The following SLX4IP variants were observed in gnomAD, a reference collection of about 807,000 sequenced individuals.
The protein encoded by SLX4IP is SLX4 interacting protein.
Under a neutral mutation model 32.9 loss-of-function variants are expected in SLX4IP, and 34 were observed. That is an observed-to-expected ratio of 1.03 (90% CI 0.79 to 1.38). The LOEUF is 1.38. Ranked by LOEUF, SLX4IP falls within the 40% of genes most tolerant of loss-of-function variation. SLX4IP has a pLI of 0.00. For synonymous variants in SLX4IP, 172 were observed against 171.7 expected (o/e 1.00, Z -0.01); for missense variants, 444 against 479.0 (o/e 0.93, Z 0.68).
At position 10,484,212 on chromosome 20, in the gene SLX4IP, A is replaced by G. The variant is rs550987618; in HGVS notation, c.27+25981A>G. ...TGAACCTAAGATAAGTAAGGGAAAG[A>G]TATTTTTCCTCCCCTACAATGAGAT... On this transcript the variant is annotated intron_variant, in intron 2 of 7. Transcript: ENST00000334534. Among the ~76,000 whole-genome samples, 3 of 152,150 alleles carry G rather than the reference A, an allele frequency of 2.0e-5. No individual in the cohort carries two copies. The South Asian group carries it at 6.2e-4, about 32-fold the overall frequency.
At chr20:10,580,753 A>G (rs1234265133) in intron 4 of SLX4IP, among the ~76,000 whole-genome samples, 4 of 152,060 alleles carry the variant, frequency 2.6e-5, no homozygotes, top group African/African-American at 4.8e-5. Context: ...TTTTGACAGA[A>G]TGAAAAAAGC....
At chr20:10,559,134 A>AC (rs1684408636) in intron 3 of SLX4IP, among the ~76,000 whole-genome samples, 1 of 152,140 alleles carries the variant, frequency 6.6e-6, no homozygotes, top group South Asian at 2.1e-4. Context: ...TTTTAAAAAA[A>AC]AAAAAACCTA....
chr20:10,618,097 G>A (rs2067059619), intron 6 of SLX4IP, among the ~76,000 whole-genome samples: 1 of 152,146 alleles, frequency 6.6e-6, no homozygotes, highest in Non-Finnish European at 1.5e-5. Context: ...ACAGGAATAG[G>A]GTAATATCAC....
At chr20:10,497,694 A>G (rs2122407800) in intron 2 of SLX4IP, among the ~76,000 whole-genome samples, 1 of 152,270 alleles carries the variant, frequency 6.6e-6, no homozygotes, top group Non-Finnish European at 1.5e-5. Context: ...CTTGTTTAGA[A>G]TTCAAATAGA....
At chr20:10,528,521 G>T (rs1390591709) in intron 2 of SLX4IP, among the ~76,000 whole-genome samples, 3 of 152,120 alleles carry the variant, frequency 2.0e-5, no homozygotes, top group Non-Finnish European at 4.4e-5. Context: ...GAGTAAAAAG[G>T]CTTGTGGAAG....
chr20:10,571,207 G>A (rs1601016577), intron 4 of SLX4IP, among the ~76,000 whole-genome samples: 1 of 152,136 alleles, frequency 6.6e-6, no homozygotes, highest in Admixed American at 6.5e-5. Context: ...TGAGTCCCAG[G>A]TTCGGGCACC....
intron 2 of SLX4IP, among the ~76,000 whole-genome samples, chr20:10,482,740 G>A (rs939600769): frequency 1.3e-5 from 2 of 152,154 alleles, no homozygotes; most frequent in African/African-American, 4.8e-5. Context: ...GCAGAAGTGG[G>A]CAAATGGGCT....
intron 2 of SLX4IP, among the ~76,000 whole-genome samples, chr20:10,462,636 G>A (rs1348527419): frequency 1.3e-5 from 2 of 152,152 alleles, no homozygotes; most frequent in African/African-American, 4.8e-5. Context: ...CCCTTCTGAT[G>A]CACACTGTTT....
chr20:10,534,179 G>C (rs1162150833), intron 2 of SLX4IP, among the ~76,000 whole-genome samples: 1 of 152,072 alleles, frequency 6.6e-6, no homozygotes, highest in Non-Finnish European at 1.5e-5. Context: ...GTTATGAGAG[G>C]ATTTGTAAGG....
At chr20:10,518,467 CCTT>C (rs2065873595) in intron 2 of SLX4IP, among the ~76,000 whole-genome samples, 1 of 44,852 alleles carries the variant, frequency 2.2e-5, no homozygotes, top group Non-Finnish European at 5.7e-5. Flanking sequence ...TCCTTCCTTT[CCTT>C]TCTTTTCCTT....
At chr20:10,588,630 A>T (rs2066672213) in intron 4 of SLX4IP, among the ~76,000 whole-genome samples, 1 of 152,258 alleles carries the variant, frequency 6.6e-6, no homozygotes, top group Non-Finnish European at 1.5e-5. Context: ...CCTGGAGTGC[A>T]TTATGCTACA....
chr20:10,444,976 C>T (rs1424272054), intron 1 of SLX4IP, among the ~76,000 whole-genome samples: 2 of 152,178 alleles, frequency 1.3e-5, no homozygotes, highest in East Asian at 3.8e-4. Context: ...TGTTCCATCC[C>T]AGATAACAGG....
chr20:10,532,940 T>C (rs2066002608), intron 2 of SLX4IP, among the ~76,000 whole-genome samples: 1 of 152,086 alleles, frequency 6.6e-6, no homozygotes. Context: ...TATGCCCAGC[T>C]AATTATTTTT....
chr20:10,497,548 C>T (rs2065679105), intron 2 of SLX4IP, among the ~76,000 whole-genome samples: 1 of 151,988 alleles, frequency 6.6e-6, no homozygotes, highest in Non-Finnish European at 1.5e-5. Context: ...TTTTCGGAAA[C>T]TTTATTTCTG....
In SLX4IP at chr20:10,604,647, G is replaced by A. The variant is rs187347540; in HGVS notation, c.405+2828G>A. Among the ~76,000 whole-genome samples, 19 of 152,338 alleles carry A rather than the reference G, an allele frequency of 1.2e-4. No homozygotes were observed. In the East Asian group the frequency reaches 3.3e-3, roughly 26 times the overall value. ...CCACGCTGCCCCTAAGCACCACAGC[G>A]CCAGGGAGGTCTGTCCCTGCTGTCA... On this transcript the variant is annotated intron_variant, in intron 6 of 7. Coordinates refer to ENST00000334534, the MANE Select transcript of SLX4IP (RefSeq NM_001009608.3).
chr20:10,621,459 T>G, intron 7 of SLX4IP, 45 bp downstream of exon 7: 1 of 1,537,480 alleles, frequency 6.5e-7, no homozygotes, highest in Non-Finnish European at 9.0e-7. Flanking sequence ...CCTGTCTCTA[T>G]GTATGGATAG....
At chr20:10,552,859 G>A (rs1181970498) in intron 2 of SLX4IP, among the ~76,000 whole-genome samples, 3 of 141,878 alleles carry the variant, frequency 2.1e-5, no homozygotes, top group African/African-American at 7.9e-5. Flanking sequence ...TTAGTTTTGC[G>A]GTGGTAGGAG....
intron 2 of SLX4IP, among the ~76,000 whole-genome samples, chr20:10,546,450 C>T (rs535168233): frequency 1.3e-5 from 2 of 152,286 alleles, no homozygotes; most frequent in East Asian, 3.9e-4. Context: ...GTGGAAACCT[C>T]TGCCCTACCT....
chr20:10,472,719 A>G (rs991761660), intron 2 of SLX4IP, among the ~76,000 whole-genome samples: 6 of 152,202 alleles, frequency 3.9e-5, no homozygotes, highest in Non-Finnish European at 8.8e-5. Context: ...ATTAAATAGG[A>G]TTAATGTTAA....
Sources: allele counts gnomAD v4.1 joint callset (sites outside exome capture counted in the v4.1 genomes callset), GRCh38; gene constraint gnomAD v4.1.1; transcripts MANE v1.5; gene names NCBI Gene and HGNC (gene_info 2026-07-23, HGNC 2026-07-21).